The following SLC25A21 variants were observed in gnomAD, a reference collection of about 807,000 sequenced individuals.
SLC25A21 encodes solute carrier family 25 member 21.
SLC25A21 carries 47 observed loss-of-function variants against 43.8 expected under a neutral mutation model. That is an observed-to-expected ratio of 1.07 (90% confidence interval 0.85 to 1.37). The LOEUF (loss-of-function observed/expected upper bound fraction) is 1.37. Ranked by LOEUF, SLC25A21 falls within the 40% of genes most tolerant of loss-of-function variation. SLC25A21 has a pLI of 0.00. For synonymous variants in SLC25A21, 131 were observed against 121.3 expected (o/e 1.08, Z -0.52); for missense variants, 352 against 350.2 (o/e 1.00, Z -0.04).
chr14:36,849,482 T>TCAAAA (rs1172957414), intron 2 of SLC25A21, among the ~76,000 whole-genome samples: 1 of 152,166 alleles, frequency 6.6e-6, no homozygotes, highest in Non-Finnish European at 1.5e-5. Flanking sequence ...TGAGAAAAAT[T>TCAAAA]CAAAACAATC....
intron 1 of SLC25A21, among the ~76,000 whole-genome samples, chr14:37,170,424 A>G (rs1964103984): frequency 6.6e-6 from 1 of 152,174 alleles, no homozygotes. Context: ...CTTATGAGTC[A>G]TCAGTCTTAG....
chr14:37,028,613 A>G (rs1224913530), intron 1 of SLC25A21, among the ~76,000 whole-genome samples: 1 of 152,194 alleles, frequency 6.6e-6, no homozygotes, highest in Non-Finnish European at 1.5e-5. Context: ...GCTGTTAACC[A>G]CCATTACAAC....
chr14:36,727,138 T>C (rs1180596514), intron 5 of SLC25A21, among the ~76,000 whole-genome samples: 4 of 152,136 alleles, frequency 2.6e-5, no homozygotes, highest in South Asian at 2.1e-4. Flanking sequence ...CCTCACTTGC[T>C]AAGAGAAGCC....
At chr14:36,921,241 AT>A (rs1891972843) in intron 1 of SLC25A21, among the ~76,000 whole-genome samples, 1 of 152,182 alleles carries the variant, frequency 6.6e-6, no homozygotes, top group Non-Finnish European at 1.5e-5. Flanking sequence ...AGCAAGTCAT[AT>A]TCTGTACCAT....
intron 1 of SLC25A21, among the ~76,000 whole-genome samples, chr14:36,920,923 C>T (rs1891962584): frequency 6.6e-6 from 1 of 152,082 alleles, no homozygotes; most frequent in Non-Finnish European, 1.5e-5. Context: ...AAGTTAACTA[C>T]AGTTAATTCA....
chr14:37,085,026 T>A (rs1962457538), intron 1 of SLC25A21, among the ~76,000 whole-genome samples: 1 of 152,246 alleles, frequency 6.6e-6, no homozygotes, highest in African/African-American at 2.4e-5. Context: ...TGGTTTTTTT[T>A]AACTGGGCTT....
At chr14:37,028,955 T>C (rs1961149859) in intron 1 of SLC25A21, among the ~76,000 whole-genome samples, 1 of 152,206 alleles carries the variant, frequency 6.6e-6, no homozygotes, top group Non-Finnish European at 1.5e-5. Context: ...TAAGTCTAAA[T>C]AGCATTTCTC....
At chr14:36,866,675 A>C (rs1187673450) in intron 2 of SLC25A21, among the ~76,000 whole-genome samples, 1 of 152,146 alleles carries the variant, frequency 6.6e-6, no homozygotes, top group East Asian at 1.9e-4. Context: ...TTCTCTGTAA[A>C]GACCTTCCTT....
chr14:36,838,755 G>T (rs1335069373), intron 2 of SLC25A21, among the ~76,000 whole-genome samples: 1 of 152,184 alleles, frequency 6.6e-6, no homozygotes, highest in African/African-American at 2.4e-5. Flanking sequence ...TCATGGTAAC[G>T]TGAAATGATG....
At chr14:36,781,151 T>C (rs1472117770) in intron 3 of SLC25A21, among the ~76,000 whole-genome samples, 4 of 152,142 alleles carry the variant, frequency 2.6e-5, no homozygotes, top group African/African-American at 9.7e-5. Flanking sequence ...CCCTGCTGTG[T>C]TTTGGTTTCC....
intron 1 of SLC25A21, among the ~76,000 whole-genome samples, chr14:37,081,066 C>A (rs577406636): frequency 5.1e-4 from 77 of 152,252 alleles, no homozygotes; most frequent in Non-Finnish European, 6.9e-4. Flanking sequence ...ATATTCTACC[C>A]ATCCCCTGAA....
chr14:36,952,388 T>C (rs1182281594), intron 1 of SLC25A21: 1 of 152,398 alleles, frequency 6.6e-6, no homozygotes, highest in Non-Finnish European at 1.5e-5. Context: ...AATATCTACA[T>C]TGTCAATTTC....
rs189102801 is a variant in SLC25A21, at chr14:37,064,709, C to T, written c.70+107572G>A. On this transcript the variant is annotated intron_variant, in intron 1 of 9. Coordinates refer to ENST00000331299, the MANE Select transcript of SLC25A21 (RefSeq NM_030631.4). ...ATTCTATGAATTAACTCATTTGTGT[C>T]TCTCAATTGGTTTACTGTACTGCTC... Among the ~76,000 whole-genome samples, 18 of 152,246 alleles carry T rather than the reference C, an allele frequency of 1.2e-4. 1 individual carries two copies. In the East Asian group the frequency reaches 3.5e-3, roughly 30 times the overall value.
intron 3 of SLC25A21, among the ~76,000 whole-genome samples, chr14:36,737,931 A>G (rs1885109897): frequency 6.6e-6 from 1 of 152,180 alleles, no homozygotes; most frequent in African/African-American, 2.4e-5. Context: ...ATTGGTATTT[A>G]CCCCTGCCTT....
chr14:36,942,718 G>A (rs961429553), intron 1 of SLC25A21, among the ~76,000 whole-genome samples: 48 of 152,252 alleles, frequency 3.2e-4, no homozygotes, highest in African/African-American at 1.1e-3. Flanking sequence ...GCCAAAGCTG[G>A]TCACACTAGT....
At chr14:37,093,143 C>T (rs1407234448) in intron 1 of SLC25A21, among the ~76,000 whole-genome samples, 9 of 152,138 alleles carry the variant, frequency 5.9e-5, no homozygotes, top group Non-Finnish European at 1.2e-4. Flanking sequence ...AAGATGGCTG[C>T]TATCATATTG....
intron 1 of SLC25A21, among the ~76,000 whole-genome samples, chr14:37,072,552 C>T (rs1357228366): frequency 2.0e-5 from 3 of 152,068 alleles, no homozygotes; most frequent in East Asian, 3.9e-4. Flanking sequence ...GTCAGGAGTT[C>T]GAGACCAGCC....
chr14:37,130,650 G>A (rs1963377062), intron 1 of SLC25A21, among the ~76,000 whole-genome samples: 1 of 152,260 alleles, frequency 6.6e-6, no homozygotes, highest in Admixed American at 6.5e-5. Context: ...CCTGTGTGCA[G>A]TGCATGGCTC....
chr14:36,924,903 A>C (rs1892087675), intron 1 of SLC25A21, among the ~76,000 whole-genome samples: 1 of 152,124 alleles, frequency 6.6e-6, no homozygotes, highest in African/African-American at 2.4e-5. Flanking sequence ...GGACTTGAGC[A>C]TCTGCAGACT....
Sources: gnomAD v4.1 joint callset for allele counts (sites outside exome capture counted in the v4.1 genomes callset) on GRCh38, gnomAD v4.1.1 for gene constraint, MANE v1.5 for transcripts, NCBI Gene and HGNC (gene_info 2026-07-23, HGNC 2026-07-21) for gene names.